The following DDRGK1 variants were observed in gnomAD, a reference collection of about 807,000 sequenced individuals.
The protein encoded by DDRGK1 is DDRGK domain-containing protein 1.
Under a neutral mutation model 45.8 loss-of-function variants are expected in DDRGK1, and 38 were observed. The observed-to-expected ratio is 0.83, with a 90% CI of 0.64 to 1.09. DDRGK1 has a LOEUF of 1.09. DDRGK1 is among the 50% of genes least tolerant of loss of function. The pLI is 0.00. For missense variants in DDRGK1, 403 were observed against 419.9 expected, an observed-to-expected ratio of 0.96 and a Z score of 0.35; for synonymous variants, 171 against 168.7, an observed-to-expected ratio of 1.01 and a Z score of -0.11.
At chr20:3,192,868 G>A (rs879353846) in intron 6 of DDRGK1, among the ~76,000 whole-genome samples, 10 of 152,300 alleles carry the variant, frequency 6.6e-5, no homozygotes, top group African/African-American at 1.4e-4. Flanking sequence ...TGCCAAAGCC[G>A]TATGTACAAG....
At chr20:3,193,888 T>A (rs1027892089) in intron 6 of DDRGK1, among the ~76,000 whole-genome samples, 2 of 152,036 alleles carry the variant, frequency 1.3e-5, no homozygotes, top group Admixed American at 6.6e-5. Context: ...ACTGGGTAGG[T>A]GGGGACAAGT....
intron 2 of DDRGK1, among the ~76,000 whole-genome samples, chr20:3,201,563 G>A (rs1009014460): frequency 6.6e-6 from 1 of 151,974 alleles, no homozygotes; most frequent in Non-Finnish European, 1.5e-5. Flanking sequence ...CAAGTGTCTC[G>A]GGGTCACAGA....
chr20:3,199,897 G>A (rs971465698), intron 4 of DDRGK1, 104 bp downstream of exon 4: 11 of 1,093,106 alleles, frequency 1.0e-5, no homozygotes, highest in Non-Finnish European at 1.4e-5. Flanking sequence ...CTTGTGCCAG[G>A]TCTATGGCCC....
intron 6 of DDRGK1, among the ~76,000 whole-genome samples, chr20:3,193,004 T>C (rs114615162): frequency 1.2e-3 from 181 of 152,228 alleles, no homozygotes; most frequent in African/African-American, 4.2e-3. Context: ...TGCGAGAACA[T>C]GAAGTCACCC....
intron 4 of DDRGK1, 39 bp from the exon 5 acceptor site, chr20:3,195,392 G>C: frequency 6.4e-7 from 1 of 1,556,440 alleles, no homozygotes; most frequent in South Asian, 1.2e-5. Flanking sequence ...ATCGGGGGCA[G>C]AACAGGGCAG....
intron 6 of DDRGK1, among the ~76,000 whole-genome samples, chr20:3,192,886 G>C (rs764946866): frequency 9.2e-5 from 14 of 152,196 alleles, no homozygotes; most frequent in Non-Finnish European, 1.8e-4. Context: ...AAGCAAGAAG[G>C]CAAGCGAGAG....
At chr20:3,191,864 C>A (rs1242961067) in intron 6 of DDRGK1, 43 bp from the exon 7 acceptor site, 2 of 1,574,642 alleles carry the variant, frequency 1.3e-6, no homozygotes, top group Non-Finnish European at 1.7e-6. Context: ...TGAGCTTGGG[C>A]AAATCCCTCT....
At chr20:3,203,798 C>T (rs2067052812) in intron 1 of DDRGK1, among the ~76,000 whole-genome samples, 1 of 152,220 alleles carries the variant, frequency 6.6e-6, no homozygotes, top group African/African-American at 2.4e-5. Flanking sequence ...CACTTCCCGG[C>T]GGTGGCCGAG....
At chr20:3,204,012 G>A (rs2067054066) in intron 1 of DDRGK1, among the ~76,000 whole-genome samples, 1 of 152,214 alleles carries the variant, frequency 6.6e-6, no homozygotes, top group Non-Finnish European at 1.5e-5. Flanking sequence ...ATGGCCTTCT[G>A]ATCGGGGAGC....
Sources: gnomAD v4.1 joint callset for allele counts (sites outside exome capture counted in the v4.1 genomes callset) on GRCh38, gnomAD v4.1.1 for gene constraint, MANE v1.5 for transcripts, NCBI Gene and HGNC (gene_info 2026-07-23, HGNC 2026-07-21) for gene names.